The following CLCN4 variants were observed in gnomAD, a reference collection of about 807,000 sequenced individuals.
The protein encoded by CLCN4 is H(+)/Cl(-) exchange transporter 4.
In CLCN4, 1 loss-of-function variant was observed where a neutral mutation model predicts 41.7. The observed-to-expected ratio is 0.02, with a 90% CI of 0.01 to 0.11. CLCN4 has a LOEUF of 0.11. Among genes scored for constraint, CLCN4 ranks in the 10% least tolerant of loss-of-function variants. The pLI is 1.00. For synonymous variants in CLCN4, 277 were observed against 285.8 expected (o/e 0.97, Z 0.31); for missense variants, 287 against 661.0 (o/e 0.43, Z 6.20).
At chrX:10,211,107 A>T (rs143332696) in intron 9 of CLCN4, among the ~76,000 whole-genome samples, 1,603 of 106,231 alleles carry the variant, frequency 0.015, 36 homozygotes, top group African/African-American at 0.052. Flanking sequence ...TTCTTCTAAA[A>T]ATACAAAAAT....
rs1255343092 is a variant in CLCN4 at position 10,198,045 on chromosome X, G to A, written c.539G>A (p.Gly180Asp). The change falls in exon 6 of 13, where the codon GGC becomes GAC. Residue 180 changes from glycine (G) to aspartate (D), a missense_variant. Physicochemically the swap from Gly to Asp is moderately conservative, Grantham distance 94. Transcript: ENST00000380833. ...LVRVFAPYAC[G>D]SGIPEIKTIL... ...CGTGTATTTGCACCATATGCCTGTG[G>A]CTCTGGCATACCAGAGGTGAGTTCT... is the stretch of plus-strand genomic sequence containing the variant. 1 of 1,209,893 alleles carries A rather than the reference G, an allele frequency of 8.3e-7. No homozygotes were observed.
intron 4 of CLCN4, among the ~76,000 whole-genome samples, chrX:10,190,838 A>T (rs1280094535): frequency 8.9e-6 from 1 of 112,153 alleles, no homozygotes; most frequent in East Asian, 2.8e-4. Flanking sequence ...CTCTAACTTA[A>T]TTAGACTAAT....
chrX:10,192,040 A>C (rs1436797632), intron 4 of CLCN4, among the ~76,000 whole-genome samples: 1 of 110,378 alleles, frequency 9.1e-6, no homozygotes. Flanking sequence ...TTTTTCATTC[A>C]TTTATTTATT....
At chrX:10,223,397 C>A (rs144458745) in intron 12 of CLCN4, among the ~76,000 whole-genome samples, 99 of 111,885 alleles carry the variant, frequency 8.8e-4, no homozygotes, top group African/African-American at 3.0e-3. Flanking sequence ...CCGAAATTGG[C>A]TCTGAATGTG....
At chrX:10,180,578 A>T (rs1280863428) in intron 2 of CLCN4, among the ~76,000 whole-genome samples, 3 of 108,514 alleles carry the variant, frequency 2.8e-5, no homozygotes, top group African/African-American at 1.0e-4. Flanking sequence ...AACCAGCCTG[A>T]CCAACATGGA....
At chrX:10,220,947 G>C in intron 12 of CLCN4, 70 bp downstream of exon 12, 5 of 902,882 alleles carry the variant, frequency 5.5e-6, no homozygotes, top group Non-Finnish European at 8.1e-6. Flanking sequence ...TCTCAGCCCT[G>C]AAGAATGTGG....
intron 1 of CLCN4, 24 bp from the exon 2 acceptor site, chrX:10,158,265 G>T (rs1923000696): frequency 3.5e-6 from 1 of 289,538 alleles, no homozygotes; most frequent in African/African-American, 2.7e-5. Context: ...CCTGTGTGTT[G>T]TTTTTCATAA....
intron 9 of CLCN4, among the ~76,000 whole-genome samples, chrX:10,211,508 T>C (rs1372186572): frequency 9.0e-6 from 1 of 111,536 alleles, no homozygotes; most frequent in Non-Finnish European, 1.9e-5. Flanking sequence ...GTTACAGGGA[T>C]ATAAATGATG....
intron 4 of CLCN4, among the ~76,000 whole-genome samples, chrX:10,194,058 G>A (rs1249360786): frequency 9.1e-6 from 1 of 109,995 alleles, no homozygotes; most frequent in Admixed American, 9.7e-5. Context: ...AGGCCCCATG[G>A]AGGAAGGAGA....
chrX:10,170,556 C>T (rs1171170014), intron 2 of CLCN4, among the ~76,000 whole-genome samples: 3 of 111,874 alleles, frequency 2.7e-5, no homozygotes, highest in African/African-American at 6.5e-5. Flanking sequence ...TCTTAATGTG[C>T]GCCCTTGGAT....
At chrX:10,216,216 C>A (rs893275578) in intron 11 of CLCN4, among the ~76,000 whole-genome samples, 8 of 112,332 alleles carry the variant, frequency 7.1e-5, no homozygotes, top group African/African-American at 2.6e-4. Flanking sequence ...ATTTTTCTTA[C>A]ATATCATGTT....
Position 10,208,293 on chromosome X carries a change from G to A in CLCN4, c.1092G>A (p.Arg364=), listed in dbSNP as rs1159078731. ...GGTGCAGGAGGCGCAAGACCACCAG[G>A]CTGGGGAAGTACCCGGTGCTGGAGG... is the stretch of plus-strand genomic sequence containing the variant. The part of the protein sequence containing the change: ...IAWCRRRKTT[R]LGKYPVLEVI... The change falls in exon 9 of 13, where the codon AGG becomes AGA. Residue 364 remains arginine (R), a synonymous_variant. Transcript: ENST00000380833. 1 of 1,211,506 alleles carries A rather than the reference G, an allele frequency of 8.3e-7. No homozygotes were observed. The highest frequency in any genetic ancestry group is 1.8e-5 in the South Asian group (1 of 56,964).
chrX:10,229,675 C>G (rs948276487), intron 12 of CLCN4, among the ~76,000 whole-genome samples: 21 of 110,010 alleles, frequency 1.9e-4, no homozygotes, highest in African/African-American at 3.0e-4. Flanking sequence ...ATAGTTTGCT[C>G]AGAATGATGG....
intron 2 of CLCN4, among the ~76,000 whole-genome samples, chrX:10,175,331 G>A (rs1923490797): frequency 9.0e-6 from 1 of 111,315 alleles, no homozygotes; most frequent in African/African-American, 3.3e-5. Context: ...ATGGAAAAAG[G>A]GGGAAGCATT....
intron 11 of CLCN4, among the ~76,000 whole-genome samples, chrX:10,216,721 C>T (rs1375401783): frequency 4.7e-5 from 5 of 105,526 alleles, no homozygotes; most frequent in African/African-American, 1.4e-4. Context: ...ATGTGGAAGA[C>T]GCTTAGTTGC....
At chrX:10,211,009 T>G (rs1163702187) in intron 9 of CLCN4, among the ~76,000 whole-genome samples, 1 of 103,931 alleles carries the variant, frequency 9.6e-6, no homozygotes, top group Non-Finnish European at 2.0e-5. Context: ...CTCATGCCTG[T>G]AATCCAAGCA....
intron 9 of CLCN4, among the ~76,000 whole-genome samples, chrX:10,210,004 C>G (rs1569230987): frequency 9.0e-6 from 1 of 111,439 alleles, no homozygotes; most frequent in Non-Finnish European, 1.9e-5. Flanking sequence ...CAGTCATTCC[C>G]CATTTTTCCC....
Position 10,235,590 on chromosome X carries a change from C to A in CLCN4, c.*2006C>A, listed in dbSNP as rs1370846906. On this transcript the variant is annotated 3_prime_UTR_variant, in exon 13 of 13. Coordinates refer to ENST00000380833, the MANE Select transcript of CLCN4 (RefSeq NM_001830.4). ...CTCAGATTTGACCTAGAATTCCCAG[C>A]CCAAATCCATAATTTCTTAGCTCTA... 1.8e-5 allele frequency: 2 copies of A among 111,624 alleles called. No homozygotes were observed. The highest frequency in any genetic ancestry group is 3.8e-5 in the Non-Finnish European group (2 of 53,156). 9.2% of individuals were successfully genotyped at this position (111,624 alleles called of 1,213,427 possible).
rs768415010 is a variant in CLCN4 at position 10,221,192 on chromosome X, T to C, written c.2192+315T>C. On this transcript the variant is annotated intron_variant, in intron 12 of 12. Coordinates refer to ENST00000380833, the MANE Select transcript of CLCN4 (RefSeq NM_001830.4). ...CTACCACCCCATGTGACACTTGGCTTAGGGAGGAGGTTCTGCTATAACGTG... is the reference window on the plus strand; with the variant it reads ...CTACCACCCCATGTGACACTTGGCTCAGGGAGGAGGTTCTGCTATAACGTG... Among the ~76,000 whole-genome samples the C allele has an allele frequency of 3.6e-5, 4 of 111,097 alleles. No homozygotes were observed. The South Asian group carries it at 1.5e-3, about 43-fold the overall frequency.
Sources: gnomAD v4.1 joint callset for allele counts (sites outside exome capture counted in the v4.1 genomes callset) on GRCh38, gnomAD v4.1.1 for gene constraint, MANE v1.5 for transcripts, NCBI Gene and HGNC (gene_info 2026-07-23, HGNC 2026-07-21) for gene names.